The following TNXB variants were observed in gnomAD, a reference collection of about 807,000 sequenced individuals.
TNXB encodes the protein tenascin XB, also known as tenascin-X.
Under a neutral mutation model 340.5 loss-of-function variants are expected in TNXB, and 183 were observed. That is an observed-to-expected ratio of 0.54 (90% confidence interval 0.48 to 0.61). TNXB has a LOEUF of 0.61. Among genes scored for constraint, TNXB ranks in the 20% least tolerant of loss-of-function variants. The probability of loss-of-function intolerance (pLI) is 0.00; values close to 1 mark genes in which losing one functional copy is unlikely to be tolerated. For missense variants in TNXB, 4,613 were observed against 5,446.4 expected (o/e 0.85, Z 4.82); for synonymous variants, 2,121 against 2,314.5 (o/e 0.92, Z 2.40).
intron 18 of TNXB, among the ~76,000 whole-genome samples, chr6:32,066,976 T>G (rs1250254903): frequency 6.6e-6 from 1 of 151,954 alleles, no homozygotes; most frequent in Non-Finnish European, 1.5e-5. Flanking sequence ...GAGGCTGAAG[T>G]GGGAGGATCC....
chr6:32,103,497 A>G (rs2127302119), intron 1 of TNXB, among the ~76,000 whole-genome samples: 1 of 150,828 alleles, frequency 6.6e-6, no homozygotes, highest in Admixed American at 6.6e-5. Context: ...GCCACCACAT[A>G]TTTCTCTCCT....
chr6:32,082,295 T>C lies in TNXB; in HGVS notation c.3477A>G (p.Pro1159=), dbSNP rs1316083545. 24 of 1,599,992 alleles carry C rather than the reference T, an allele frequency of 1.5e-5. No homozygotes were observed. The highest frequency in any genetic ancestry group is 2.0e-5 in the Non-Finnish European group (24 of 1,172,198). ...TCACCCACAGGTTTCCCAGGTGGGG[T>C]GGAGTCCCTGGACTTGGGTCACTCT... is the stretch of plus-strand genomic sequence containing the variant. ...LPQSDPSPGT[P]PHLGNLWVTD... Residue 1159 remains proline (P), a synonymous_variant, in exon 9 of 44, where the codon CCA becomes CCG. Coordinates refer to ENST00000644971, the MANE Select transcript of TNXB (RefSeq NM_001365276.2). This position sits in a 1 kb window ranked among gnomAD's most constrained non-coding sequence, Gnocchi z 5.0.
In TNXB at chr6:32,069,585, C is replaced by T. The variant is rs775167267; in HGVS notation, c.5555G>A (p.Arg1852His). The stretch of plus-strand genomic sequence containing the variant: ...GGCGACGGCCGAGATGGGGCCCACA[C>T]GCTTGCCGTGGTGCAGCCCGTAGAG... ...LLLYGLHHGK[R>H]VGPISAVAIT... Residue 1852 changes from arginine to histidine, a missense_variant, in exon 15 of 44, where the codon CGT becomes CAT. Transcript: ENST00000644971. The surrounding 1 kb of genome is among the most constrained non-coding windows in gnomAD (Gnocchi z 6.2). 8.8e-6 allele frequency: 14 copies of T among 1,592,480 alleles called. No individual in the cohort carries two copies. Among genetic ancestry groups the T allele is most frequent in the South Asian group, 2.2e-5 (2 of 89,302 alleles).
Position 32,097,740 on chromosome 6 carries a change from C to T in TNXB, c.403+56G>A. 6.8e-7 allele frequency: 1 copy of T among 1,481,286 alleles called. No homozygotes were observed. Among genetic ancestry groups the T allele is most frequent in the Non-Finnish European group, 9.0e-7 (1 of 1,114,008 alleles). 91.8% of individuals were successfully genotyped at this position (1,481,286 alleles called of 1,614,324 possible). ...AATTCATACCAAGGACCTTTATGGA[C>T]TAGCAATGCCCACCCCACCCCACCT... On this transcript the variant is annotated intron_variant, in intron 2 of 43. Coordinates refer to ENST00000644971, the MANE Select transcript of TNXB (RefSeq NM_001365276.2). This position sits in a 1 kb window ranked among gnomAD's most constrained non-coding sequence, Gnocchi z 5.9.
Position 32,053,410 on chromosome 6 carries a change from G to A in TNXB, c.8769C>T (p.Pro2923=), listed in dbSNP as rs368068132. 8 of 1,612,414 alleles carry A rather than the reference G, an allele frequency of 5.0e-6. No individual in the cohort carries two copies. The African/African-American group carries it at 5.3e-5, about 11-fold the overall frequency. Residue 2923 remains proline (P), a synonymous_variant, in exon 25 of 44, where the codon CCC becomes CCT. Coordinates refer to ENST00000644971, the MANE Select transcript of TNXB (RefSeq NM_001365276.2). The part of the protein sequence containing the change: ...YGFHGGQRVG[P]ISVIGVTAAE... ...CACCTGTCACCCCAATGACAGAGATGGGGCCCACGCGCTGGCCACCGTGGA... is the reference window on the plus strand; with the variant it reads ...CACCTGTCACCCCAATGACAGAGATAGGGCCCACGCGCTGGCCACCGTGGA...
chr6:32,049,478 G>T lies in TNXB; in HGVS notation c.9549C>A (p.Ser3183Arg). Residue 3183 changes from serine to arginine, a missense_variant, in exon 28 of 44, where the codon AGC becomes AGA. Physicochemically the swap from Ser to Arg is moderately radical, Grantham distance 110 (BLOSUM62 -1). Around this residue, in one of 7 missense-constraint regions of TNXB, gnomAD observed 4,327 missense variants for 4,859.4 expected, o/e 0.89. Transcript: ENST00000644971. This position sits in a 1 kb window ranked among gnomAD's most constrained non-coding sequence, Gnocchi z 4.5. The part of the protein sequence containing the change: ...TVTGSSPDSL[S>R]LSWTVPQGRF... ...GGCCCTGGGGGACGGTCCAGGAGAG[G>T]CTCAGCGAGTCAGGGGAGGATCCTG... is the stretch of plus-strand genomic sequence containing the variant. 2 of 1,612,640 alleles carry T rather than the reference G, an allele frequency of 1.2e-6. No individual in the cohort carries two copies. Among genetic ancestry groups the T allele is most frequent in the Non-Finnish European group, 1.7e-6 (2 of 1,179,848 alleles).
chr6:32,082,091 C>A lies in TNXB; in HGVS notation c.3681G>T (p.Leu1227=). 6.2e-7 allele frequency: 1 copy of A among 1,610,280 alleles called. No homozygotes were observed. Among genetic ancestry groups the A allele is most frequent in the Non-Finnish European group, 8.5e-7 (1 of 1,178,562 alleles). ...LDPDHKYRFT[L]FGIANKKRYG... ...ACCGCTTCTTGTTCGCAATTCCAAA[C>A]AGAGTGAATCTGTACTTGTGGTCAG... Residue 1227 remains leucine (L), a synonymous_variant, in exon 9 of 44, where the codon CTG becomes CTT. Transcript: ENST00000644971. This position sits in a 1 kb window ranked among gnomAD's most constrained non-coding sequence, Gnocchi z 5.0.
rs1439202712 is a variant in TNXB at position 32,075,770 on chromosome 6, A to G, written c.4376-1818T>C. 1.3e-5 allele frequency among the ~76,000 whole-genome samples: 2 copies of G among 152,192 alleles called. No individual in the cohort carries two copies. The highest frequency in any genetic ancestry group is 2.9e-5 in the Non-Finnish European group (2 of 68,038). ...ACAGGTCTGGGCTCAGGACCTGCAG[A>G]TCCCCACCACTCCCGCATGAGGAAG... is the stretch of plus-strand genomic sequence containing the variant. On this transcript the variant is annotated intron_variant, in intron 11 of 43. Transcript: ENST00000644971. This position sits in a 1 kb window ranked among gnomAD's most constrained non-coding sequence, Gnocchi z 4.6.
intron 4 of TNXB, chr6:32,093,117 T>C (rs1317290541): frequency 2.3e-5 from 11 of 485,936 alleles, no homozygotes; most frequent in South Asian, 3.5e-5. Context: ...TTATTTTAAT[T>C]CTTCTTTCCC....
chr6:32,068,527 G>C lies in TNXB; in HGVS notation c.6083C>G (p.Pro2028Arg). 5.6e-6 allele frequency: 9 copies of C among 1,613,960 alleles called. No homozygotes were observed. Among genetic ancestry groups the C allele is most frequent in the Non-Finnish European group, 7.6e-6 (9 of 1,179,906 alleles). Residue 2028 changes from proline (P) to arginine (R), a missense_variant, in exon 17 of 44, where the codon CCC (proline) becomes CGC (arginine). Physicochemically the swap from Pro to Arg is moderately radical, Grantham distance 103 (BLOSUM62 -2). Around this residue, in one of 7 missense-constraint regions of TNXB, gnomAD observed 4,327 missense variants for 4,859.4 expected, o/e 0.89. Coordinates refer to ENST00000644971, the MANE Select transcript of TNXB (RefSeq NM_001365276.2). This position sits in a 1 kb window ranked among gnomAD's most constrained non-coding sequence, Gnocchi z 5.3. ...GTGCCCTGGCACCCTCACTGCCTTG[G>C]GCTGCCCATCTCCATTCCTGTACTG... ...LVQYRNGDGQ[P>R]KAVRVPGHEE...
In TNXB at chr6:32,068,054, C is replaced by G. The variant is rs1778501669; in HGVS notation, c.6221-70G>C. 2 of 1,556,002 alleles carry G rather than the reference C, an allele frequency of 1.3e-6. No individual in the cohort carries two copies. Among genetic ancestry groups the G allele is most frequent in the Admixed American group, 1.8e-5 (1 of 54,684 alleles). The stretch of plus-strand genomic sequence containing the variant: ...GGGGAAAAGGAGGGAGAAGCCAAGG[C>G]TATGACTGGGGGACCCGAGGTCAGT... On this transcript the variant is annotated intron_variant, in intron 17 of 43. Coordinates refer to ENST00000644971, the MANE Select transcript of TNXB (RefSeq NM_001365276.2). The surrounding 1 kb of genome is among the most constrained non-coding windows in gnomAD (Gnocchi z 5.3).
At chr6:32,063,719 G>A (rs1241733137) in intron 19 of TNXB, among the ~76,000 whole-genome samples, 1 of 152,068 alleles carries the variant, frequency 6.6e-6, no homozygotes, top group Non-Finnish European at 1.5e-5. Flanking sequence ...TCTTCATAGG[G>A]TTTTATTCTG....
Position 32,082,147 on chromosome 6 carries a change from C to G in TNXB, c.3625G>C (p.Glu1209Gln), listed in dbSNP as rs772414777. Residue 1209 changes from glutamate to glutamine, a missense_variant, in exon 9 of 44, where the codon GAG becomes CAG. Glu to Gln is a conservative substitution (Grantham distance 29). Coordinates refer to ENST00000644971, the MANE Select transcript of TNXB (RefSeq NM_001365276.2). The surrounding 1 kb of genome is among the most constrained non-coding windows in gnomAD (Gnocchi z 5.0). ...RPQVVPVEGP[E>Q]RSFVVSSLDP... ...AGTGAGGAGACAACAAATGAACGCT[C>G]GGGCCCTTCCACAGGTACCACCTGG... 6.2e-7 allele frequency: 1 copy of G among 1,611,980 alleles called. No homozygotes were observed. Among genetic ancestry groups the G allele is most frequent in the South Asian group, 1.1e-5 (1 of 90,916 alleles).
At position 32,043,219 on chromosome 6, in the gene TNXB, C is replaced by T. The variant is rs1474785905; in HGVS notation, c.11750G>A (p.Arg3917Gln). 2.1e-5 allele frequency: 5 copies of T among 237,392 alleles called. No homozygotes were observed. Among genetic ancestry groups the T allele is most frequent in the East Asian group, 1.6e-4 (2 of 12,520 alleles). The allele number at this position is 237,392 out of a possible 1,614,324, so 14.7% of individuals were successfully genotyped here. Reference sequence around the variant, plus strand: ...GGCTGGGGAAGTGAGGTTGGGGCCCCGCAGGCCACGCACTGTGGCGGTGTA... The same window carrying T: ...GGCTGGGGAAGTGAGGTTGGGGCCCTGCAGGCCACGCACTGTGGCGGTGTA... ...TNYTATVRGL[R>Q]GPNLTSPASI... The change falls in exon 37 of 44, where the codon CGG (arginine) becomes CAG (glutamine). Residue 3917 changes from arginine (R) to glutamine (Q), a missense_variant. By Grantham distance (43) the Arg-to-Gln change is conservative. Coordinates refer to ENST00000644971, the MANE Select transcript of TNXB (RefSeq NM_001365276.2).
Position 32,089,461 on chromosome 6 carries a change from A to C in TNXB, c.2359-82T>G, listed in dbSNP as rs928918228. 4.0e-6 allele frequency: 6 copies of C among 1,499,474 alleles called. No homozygotes were observed. The highest frequency in any genetic ancestry group is 2.8e-5 in the African/African-American group (2 of 72,380). 92.9% of individuals were successfully genotyped at this position (1,499,474 alleles called of 1,614,324 possible). The stretch of plus-strand genomic sequence containing the variant: ...ATCCCCCTTATCTCTTCTTTCTCCA[A>C]TTCTAAACAGTGTCAGCATGGTACT... On this transcript the variant is annotated intron_variant, in intron 4 of 43. Coordinates refer to ENST00000644971, the MANE Select transcript of TNXB (RefSeq NM_001365276.2). The surrounding 1 kb of genome is among the most constrained non-coding windows in gnomAD (Gnocchi z 6.2).
rs1019388787 is a variant in TNXB, at chr6:32,097,101, C to T, written c.752G>A (p.Arg251Gln). 1.2e-6 allele frequency: 2 copies of T among 1,613,282 alleles called. No individual in the cohort carries two copies. The highest frequency in any genetic ancestry group is 8.5e-7 in the Non-Finnish European group (1 of 1,179,594). The change falls in exon 3 of 44, where the codon CGA becomes CAA. Residue 251 changes from arginine (R) to glutamine (Q), a missense_variant. Arg to Gln is a conservative substitution (Grantham distance 43). Transcript: ENST00000644971. This position sits in a 1 kb window ranked among gnomAD's most constrained non-coding sequence, Gnocchi z 5.9. Reference sequence around the variant, plus strand: ...ACAGCGTCCCCTCTGGCTGCAACCTCGAGGGCAGGAGCGCTGGCTGCAGTC... The same window carrying T: ...ACAGCGTCCCCTCTGGCTGCAACCTTGAGGGCAGGAGCGCTGGCTGCAGTC... ...GPDCSQRSCPRGCSQRGRCEG... is the reference protein window; with the variant it reads ...GPDCSQRSCPQGCSQRGRCEG...
At position 32,049,081 on chromosome 6, in the gene TNXB, G is replaced by C. The variant is rs1440731995; in HGVS notation, c.9757+189C>G. ...GGAGAAGGAAGCTACAACAAACAGG[G>C]CATGGACTACCTGCCCATCTGACTC... On this transcript the variant is annotated intron_variant, in intron 28 of 43. Coordinates refer to ENST00000644971, the MANE Select transcript of TNXB (RefSeq NM_001365276.2). This position sits in a 1 kb window ranked among gnomAD's most constrained non-coding sequence, Gnocchi z 4.5. Among the ~76,000 whole-genome samples the C allele has an allele frequency of 6.6e-6, 1 of 152,170 alleles. No homozygotes were observed. Among genetic ancestry groups the C allele is most frequent in the Non-Finnish European group, 1.5e-5 (1 of 68,030 alleles).
chr6:32,070,773 CGTGATTTGGCCGGCCCCTGAGGAAAGGG>C lies in TNXB; in HGVS notation c.4991-387_4991-360del, dbSNP rs1778727279. Among the ~76,000 whole-genome samples the C allele has an allele frequency of 6.6e-6, 1 of 152,116 alleles. No individual in the cohort carries two copies. The highest frequency in any genetic ancestry group is 1.5e-5 in the Non-Finnish European group (1 of 68,012). On this transcript the variant is annotated intron_variant, in intron 13 of 43. Transcript: ENST00000644971. The surrounding 1 kb of genome is among the most constrained non-coding windows in gnomAD (Gnocchi z 6.0). ...CTTACCCAGGAGCACACGATTTGGC[CGTGATTTGGCCGGCCCCTGAGGAAAGGG>C]GTGATTTGGCCGGCCCCGAGGAGCG...
chr6:32,081,545 C>T lies in TNXB; in HGVS notation c.3865G>A (p.Asp1289Asn). Residue 1289 changes from aspartate (D) to asparagine (N), a missense_variant, in exon 10 of 44, where the codon GAC becomes AAC. Transcript: ENST00000644971. This position sits in a 1 kb window ranked among gnomAD's most constrained non-coding sequence, Gnocchi z 5.1. ...TCCTTGTACTGGACCATGAATGAGTCGAAGGGGCCCTGGGCCACTGTCCAT... is the reference window on the plus strand; with the variant it reads ...TCCTTGTACTGGACCATGAATGAGTTGAAGGGGCCCTGGGCCACTGTCCAT... ...LSWTVAQGPFDSFMVQYKDAQ... is the reference protein window; with the variant it reads ...LSWTVAQGPFNSFMVQYKDAQ... 3.1e-6 allele frequency: 5 copies of T among 1,605,010 alleles called. No homozygotes were observed. The highest frequency in any genetic ancestry group is 2.2e-5 in the East Asian group (1 of 44,670).
Sources: allele counts gnomAD v4.1 joint callset (sites outside exome capture counted in the v4.1 genomes callset), GRCh38; gene constraint gnomAD v4.1.1; regional missense constraint gnomAD v4.1.1; non-coding constraint Gnocchi (gnomAD v3.1); transcripts MANE v1.5; gene names NCBI Gene and HGNC (gene_info 2026-07-23, HGNC 2026-07-21).